FAM167A: variants seen among roughly 807,000 people sequenced by gnomAD.
FAM167A encodes the protein protein FAM167A.
In FAM167A, 23 loss-of-function variants were observed where a neutral mutation model predicts 14.9. The ratio of observed to expected loss-of-function variants is 1.55; its 90% CI spans 1.11 to 2.19. The LOEUF is 2.19. FAM167A is among the 30% of genes most tolerant of loss of function. The pLI is 0.00. For missense variants in FAM167A, 401 were observed against 281.5 expected (o/e 1.42, Z -3.04); for synonymous variants, 174 against 117.7 (o/e 1.48, Z -3.10).
At chr8:11,460,433 G>T (rs1025201791) in intron 1 of FAM167A, among the ~76,000 whole-genome samples, 1 of 152,184 alleles carries the variant, frequency 6.6e-6, no homozygotes, top group African/African-American at 2.4e-5. Context: ...GCCCACAGCA[G>T]CAGGTAGTGG....
At position 11,426,728 on chromosome 8, in the gene FAM167A, G is replaced by GGTCTTTGATCAGCCTTTGGTTGATCA. The variant is rs1363990198; in HGVS notation, c.382-2118_382-2093dup. On this transcript the variant is annotated intron_variant, in intron 2 of 2. Coordinates refer to ENST00000284486, the MANE Select transcript of FAM167A (RefSeq NM_053279.3). ...AGAGACAAACGATTGCATTCTTTTG[G>GGTCTTTGATCAGCCTTTGGTTGATCA]GTCTTTGATCAGCCTTTGGTTGATC... Among the ~76,000 whole-genome samples, 9 of 152,138 alleles carry GGTCTTTGATCAGCCTTTGGTTGATCA rather than the reference G, an allele frequency of 5.9e-5. No individual in the cohort carries two copies. In the East Asian group the frequency reaches 1.2e-3, roughly 20 times the overall value.
chr8:11,438,671 G>A (rs955813883), intron 2 of FAM167A: 6 of 381,538 alleles, frequency 1.6e-5, no homozygotes, highest in African/African-American at 1.3e-4. Context: ...TCCTTTCCTG[G>A]TTCTTTTGTT....
intron 2 of FAM167A, among the ~76,000 whole-genome samples, chr8:11,431,335 C>T (rs747106166): frequency 4.8e-4 from 73 of 152,162 alleles, no homozygotes; most frequent in Non-Finnish European, 9.4e-4. Context: ...AGGTTCCTAG[C>T]GTAGTCCAAT....
chr8:11,457,411 G>C (rs116217646), intron 1 of FAM167A, among the ~76,000 whole-genome samples: 6,154 of 151,910 alleles, frequency 0.041, 399 homozygotes, highest in African/African-American at 0.14. Flanking sequence ...GGTTCTGCTT[G>C]AACCTCATCT....
chr8:11,466,016 C>T (rs565663348), intron 1 of FAM167A, among the ~76,000 whole-genome samples: 2 of 152,090 alleles, frequency 1.3e-5, no homozygotes, highest in South Asian at 2.1e-4. Flanking sequence ...AAGAAGACAC[C>T]CTCCCCCCCG....
intron 2 of FAM167A, among the ~76,000 whole-genome samples, chr8:11,439,148 G>A (rs189485134): frequency 6.6e-5 from 10 of 152,320 alleles, no homozygotes; most frequent in South Asian, 2.1e-4. Context: ...TGGCCAAGTC[G>A]CTTTAAACTT....
intron 2 of FAM167A, among the ~76,000 whole-genome samples, chr8:11,430,574 C>A (rs1222639570): frequency 1.3e-5 from 2 of 152,134 alleles, no homozygotes; most frequent in Admixed American, 6.5e-5. Flanking sequence ...TCAATGAAGT[C>A]ATTTTGAAAA....
At chr8:11,474,370 C>T (rs1797803735) in intron 1 of FAM167A, among the ~76,000 whole-genome samples, 1 of 152,304 alleles carries the variant, frequency 6.6e-6, no homozygotes. Context: ...TGGAACCTGA[C>T]ACCAGCAAAA....
intron 2 of FAM167A, among the ~76,000 whole-genome samples, chr8:11,430,887 T>TG (rs149850377): frequency 0.019 from 2,895 of 152,226 alleles, 86 homozygotes; most frequent in African/African-American, 0.066. Flanking sequence ...AGTGGTTTGC[T>TG]GGGGGGTCTC....
chr8:11,447,364 G>C (rs543523254), intron 1 of FAM167A, among the ~76,000 whole-genome samples: 1 of 152,174 alleles, frequency 6.6e-6, no homozygotes, highest in South Asian at 2.1e-4. Context: ...TGTATTTTTA[G>C]TAGAGACAAG....
chr8:11,441,577 C>G (rs767918208), intron 2 of FAM167A, among the ~76,000 whole-genome samples: 19 of 152,310 alleles, frequency 1.2e-4, no homozygotes, highest in Non-Finnish European at 2.2e-4. Context: ...GTGGAACCCT[C>G]TGCGTTGGGC....
At chr8:11,468,090 G>A (rs535319116), upstream of FAM167A, among the ~76,000 whole-genome samples, 3 of 152,146 alleles carry the variant, frequency 2.0e-5, no homozygotes, top group Non-Finnish European at 4.4e-5. Flanking sequence ...AAGCGTGCAC[G>A]CAGTCTCCAT....
At chr8:11,438,971 G>A (rs1328788354) in intron 2 of FAM167A, among the ~76,000 whole-genome samples, 2 of 152,236 alleles carry the variant, frequency 1.3e-5, no homozygotes, top group African/African-American at 4.8e-5. Context: ...AACCTCCTGT[G>A]TGACCTTTTA....
intron 1 of FAM167A, among the ~76,000 whole-genome samples, chr8:11,446,785 T>C (rs1238971855): frequency 2.0e-5 from 3 of 152,226 alleles, no homozygotes; most frequent in Admixed American, 6.5e-5. Context: ...TGTCCAAATC[T>C]AAAGACTTAT....
At chr8:11,449,648 G>A (rs374655306) in intron 1 of FAM167A, among the ~76,000 whole-genome samples, 2 of 152,208 alleles carry the variant, frequency 1.3e-5, no homozygotes, top group Admixed American at 6.5e-5. Context: ...GGCACGCCCC[G>A]CCAGGCAGGC....
chr8:11,446,720 C>T (rs891268777), intron 1 of FAM167A: 1 of 152,180 alleles, frequency 6.6e-6, no homozygotes, highest in African/African-American at 2.4e-5. Flanking sequence ...ACGCTAAGTC[C>T]GCAAATGCGA....
Position 11,424,501 on chromosome 8 carries a change from C to G in FAM167A, c.517G>C (p.Glu173Gln). 6.2e-7 allele frequency: 1 copy of G among 1,614,136 alleles called. No homozygotes were observed. The highest frequency in any genetic ancestry group is 1.1e-5 in the South Asian group (1 of 91,080). The change falls in exon 3 of 3, where the codon GAG (glutamate) becomes CAG (glutamine). Residue 173 changes from glutamate to glutamine, a missense_variant. Physicochemically the swap from Glu to Gln is conservative, Grantham distance 29. Transcript: ENST00000284486. ...MLNDATYELE[E>Q]RDELADLFCD... ...AAGAGGTCGGCCAGCTCATCCCGCT[C>G]CTCCAGCTCGTAGGTGGCATCGTTG...
chr8:11,425,266 G>A (rs75196905), intron 2 of FAM167A, among the ~76,000 whole-genome samples: 2,691 of 152,292 alleles, frequency 0.018, 79 homozygotes, highest in African/African-American at 0.062. Flanking sequence ...ACTACAACCT[G>A]TGAAGTGATG....
chr8:11,472,437 GTTT>G (rs113039104), upstream of FAM167A, among the ~76,000 whole-genome samples: 31 of 122,514 alleles, frequency 2.5e-4, no homozygotes, highest in Middle Eastern at 4.8e-3. Flanking sequence ...TGTTTTTTGG[GTTT>G]TTTTTTTTTT....
Sources: gnomAD v4.1 joint callset for allele counts (sites outside exome capture counted in the v4.1 genomes callset) on GRCh38, gnomAD v4.1.1 for gene constraint, MANE v1.5 for transcripts, NCBI Gene and HGNC (gene_info 2026-07-23, HGNC 2026-07-21) for gene names.